The following RIPOR3 variants were observed in gnomAD, a reference collection of about 807,000 sequenced individuals.
RIPOR3 encodes family with sequence similarity 65 member C.
RIPOR3 carries 95 observed loss-of-function variants against 114.3 expected under a neutral mutation model. That is an observed-to-expected ratio of 0.83 (90% CI 0.70 to 0.99). The LOEUF (loss-of-function observed/expected upper bound fraction) is 0.99. Among genes scored for constraint, RIPOR3 ranks in the 50% least tolerant of loss-of-function variants. RIPOR3 has a pLI of 0.00. For synonymous variants in RIPOR3, 575 were observed against 543.8 expected (o/e 1.06, Z -0.80); for missense variants, 1,252 against 1,266.9 (o/e 0.99, Z 0.18).
chr20:50,621,090 G>A, intron 2 of RIPOR3: 1 of 330,600 alleles, frequency 3.0e-6, no homozygotes. Context: ...CCCCTCCCCT[G>A]CCCTCTCCCG....
At chr20:50,642,380 G>C (rs956692763) in intron 1 of RIPOR3, among the ~76,000 whole-genome samples, 9 of 143,374 alleles carry the variant, frequency 6.3e-5, no homozygotes, top group Non-Finnish European at 1.1e-4. Flanking sequence ...GTGTGTGTGA[G>C]AGAGAGAGAA....
chr20:50,625,315 G>A (rs1047375554), intron 2 of RIPOR3, among the ~76,000 whole-genome samples: 4 of 152,136 alleles, frequency 2.6e-5, no homozygotes, highest in African/African-American at 9.7e-5. Context: ...CAAGTGATCC[G>A]CCTGCCTTGG....
intron 1 of RIPOR3, among the ~76,000 whole-genome samples, chr20:50,654,422 G>GTTTT (rs34825514): frequency 1.1e-4 from 6 of 56,118 alleles, no homozygotes; most frequent in Admixed American, 7.0e-4. Context: ...AGGAGGCAGA[G>GTTTT]TTTTTTTTTT....
At chr20:50,609,549 C>T (rs1157430713) in intron 7 of RIPOR3, 24 bp downstream of exon 7, 4 of 1,429,190 alleles carry the variant, frequency 2.8e-6, no homozygotes, top group African/African-American at 2.9e-5. Context: ...CCCCTGCTGC[C>T]CAGCCCAGCT....
intron 1 of RIPOR3, among the ~76,000 whole-genome samples, chr20:50,638,351 G>C (rs1309690080): frequency 1.3e-5 from 2 of 152,256 alleles, no homozygotes; most frequent in African/African-American, 2.4e-5. Context: ...AGGCACGGGA[G>C]TGAGGACCGG....
rs141782858 is a variant in RIPOR3, at chr20:50,615,155, C to T, written c.348+847G>A. ...TGTGTGTGTGTGTGTGTTGCTAAGT[C>T]GGTCTCTGCTAAGGGAGAGGCAAAA... On this transcript the variant is annotated intron_variant, in intron 4 of 21. Coordinates refer to ENST00000327979, the MANE Select transcript of RIPOR3 (RefSeq NM_001290268.2). 2.5e-3 allele frequency among the ~76,000 whole-genome samples: 231 copies of T among 94,222 alleles called. 1 individual carries two copies. The highest frequency in any genetic ancestry group is 0.01 in the African/African-American group (216 of 21,388). The allele number at this position is 94,222 out of a possible 152,430, so 61.8% of individuals were successfully genotyped here.
At chr20:50,647,666 T>C (rs969730735) in intron 1 of RIPOR3, among the ~76,000 whole-genome samples, 7 of 151,484 alleles carry the variant, frequency 4.6e-5, no homozygotes, top group African/African-American at 1.7e-4. Flanking sequence ...GTATTTTTAG[T>C]AGAGACAGGG....
At position 50,617,995 on chromosome 20, in the gene RIPOR3, G is replaced by A. The variant is rs150126075; in HGVS notation, c.270-1915C>T. Among the ~76,000 whole-genome samples, 241 of 152,210 alleles carry A rather than the reference G, an allele frequency of 1.6e-3. 2 individuals are homozygous for A. Among genetic ancestry groups the A allele is most frequent in the African/African-American group, 5.7e-3 (235 of 41,548 alleles). ...ATAAGAGATGTAGGGGCTGGGCGTG[G>A]TGGCTTATGCCTGTAATCCCAGCAC... is the stretch of plus-strand genomic sequence containing the variant. On this transcript the variant is annotated intron_variant, in intron 3 of 21. Transcript: ENST00000327979.
intron 12 of RIPOR3, among the ~76,000 whole-genome samples, chr20:50,603,910 G>A (rs6020631): frequency 2.6e-5 from 4 of 152,272 alleles, no homozygotes; most frequent in Non-Finnish European, 1.5e-5. Flanking sequence ...GGCTGGGCAC[G>A]GTGGCTCATG....
intron 1 of RIPOR3, among the ~76,000 whole-genome samples, chr20:50,639,787 A>T (rs531902509): frequency 1.3e-5 from 2 of 152,260 alleles, no homozygotes; most frequent in East Asian, 3.9e-4. Flanking sequence ...AGGAGTGACT[A>T]AGGGACACGC....
intron 12 of RIPOR3, among the ~76,000 whole-genome samples, chr20:50,603,308 G>C (rs1423914106): frequency 1.3e-5 from 2 of 152,138 alleles, no homozygotes; most frequent in Non-Finnish European, 2.9e-5. Context: ...GCACTATCTT[G>C]GCTCACTACA....
At chr20:50,648,307 C>T (rs1361478954) in intron 1 of RIPOR3, among the ~76,000 whole-genome samples, 1 of 150,348 alleles carries the variant, frequency 6.7e-6, no homozygotes, top group Non-Finnish European at 1.5e-5. Flanking sequence ...ATCCAGGGTA[C>T]TCTATGGTTT....
chr20:50,678,351 G>A (rs1001423616), intron 1 of RIPOR3, among the ~76,000 whole-genome samples: 1 of 152,172 alleles, frequency 6.6e-6, no homozygotes, highest in Non-Finnish European at 1.5e-5. Context: ...CTCACCAGAT[G>A]GACACAGCAG....
chr20:50,594,806 G>A (rs1013754910), intron 16 of RIPOR3, 92 bp from the exon 17 acceptor site: 5 of 1,425,802 alleles, frequency 3.5e-6, no homozygotes, highest in African/African-American at 1.4e-5. Context: ...ACCTGAGGGG[G>A]TAGGGAGGAG....
intron 2 of RIPOR3, among the ~76,000 whole-genome samples, chr20:50,629,629 G>A (rs1207763792): frequency 6.6e-6 from 1 of 152,222 alleles, no homozygotes; most frequent in Admixed American, 6.5e-5. Flanking sequence ...AGGCCCATCT[G>A]TGCCAAGCCT....
chr20:50,684,660 T>A (rs1233931258), intron 1 of RIPOR3, among the ~76,000 whole-genome samples: 2 of 152,118 alleles, frequency 1.3e-5, no homozygotes, highest in Non-Finnish European at 2.9e-5. Context: ...GGGAGGCAAC[T>A]GCAATAGCCC....
chr20:50,668,352 C>T (rs1328422261), intron 1 of RIPOR3, among the ~76,000 whole-genome samples: 6 of 152,154 alleles, frequency 3.9e-5, no homozygotes, highest in Admixed American at 1.3e-4. Context: ...GCCCCTGATG[C>T]TCCCACCACT....
intron 1 of RIPOR3, among the ~76,000 whole-genome samples, chr20:50,642,659 CCCTCCTTCCTG>C (rs1461981491): frequency 7.9e-5 from 12 of 151,564 alleles, no homozygotes; most frequent in African/African-American, 2.9e-4. Flanking sequence ...TGAATTTGTC[CCCTCCTTCCTG>C]CCTCCACCCC....
At chr20:50,617,656 T>A (rs1484325546) in intron 3 of RIPOR3, among the ~76,000 whole-genome samples, 1 of 148,502 alleles carries the variant, frequency 6.7e-6, no homozygotes, top group Non-Finnish European at 1.5e-5. Flanking sequence ...TTTTGAGTCT[T>A]GCTCTGTCTC....
Sources: gnomAD v4.1 joint callset for allele counts (sites outside exome capture counted in the v4.1 genomes callset) on GRCh38, gnomAD v4.1.1 for gene constraint, MANE v1.5 for transcripts, NCBI Gene and HGNC (gene_info 2026-07-23, HGNC 2026-07-21) for gene names.